Variants in CHIC2 observed in about 807,000 individuals in gnomAD.
CHIC2 encodes the protein cysteine-rich hydrophobic domain-containing protein 2.
In CHIC2, 14 loss-of-function variants were observed where a neutral mutation model predicts 25.9. That is an observed-to-expected ratio of 0.54 (90% CI 0.36 to 0.85). CHIC2 has a LOEUF of 0.85. Among genes scored for constraint, CHIC2 ranks in the 40% least tolerant of loss-of-function variants. The pLI is 0.01. For missense variants in CHIC2, 146 were observed against 202.0 expected (o/e 0.72, Z 1.68); for synonymous variants, 70 against 72.0 (o/e 0.97, Z 0.14).
At chr4:54,083,268 G>T in the CHIC2 span, among the ~76,000 whole-genome samples, 1 of 151,870 alleles carries the variant, frequency 6.6e-6, no homozygotes, top group Non-Finnish European at 1.5e-5. Context: ...ACCCACCTCA[G>T]CCTCCCAAAG....
intron 3 of CHIC2, among the ~76,000 whole-genome samples, chr4:54,022,835 T>C (rs1307225651): frequency 6.6e-6 from 1 of 152,178 alleles, no homozygotes; most frequent in Non-Finnish European, 1.5e-5. Context: ...AAGCCTGTTA[T>C]CACTTGCCTG....
chr4:54,015,158 C>T (rs1487821522), intron 3 of CHIC2, among the ~76,000 whole-genome samples: 10 of 151,970 alleles, frequency 6.6e-5, no homozygotes, highest in Non-Finnish European at 2.9e-5. Context: ...ATTAAACATG[C>T]TAAAGACACA....
At chr4:54,035,707 T>C (rs1716363504) in intron 3 of CHIC2, among the ~76,000 whole-genome samples, 1 of 152,188 alleles carries the variant, frequency 6.6e-6, no homozygotes, top group Non-Finnish European at 1.5e-5. Context: ...TTATATTTCA[T>C]AGGTTTCAGT....
chr4:54,018,875 T>C (rs2110062405), intron 3 of CHIC2, among the ~76,000 whole-genome samples: 1 of 152,140 alleles, frequency 6.6e-6, no homozygotes, highest in East Asian at 1.9e-4. Flanking sequence ...AAATGTTCAA[T>C]TCCCTACTTA....
At chr4:54,051,199 C>T (rs1356746328) in intron 1 of CHIC2, among the ~76,000 whole-genome samples, 1 of 152,002 alleles carries the variant, frequency 6.6e-6, no homozygotes, top group Non-Finnish European at 1.5e-5. Context: ...CCTATGACTC[C>T]ATTTCCTTCC....
chr4:54,070,486 A>G, the CHIC2 span, among the ~76,000 whole-genome samples: 1 of 152,120 alleles, frequency 6.6e-6, no homozygotes, highest in African/African-American at 2.4e-5. Flanking sequence ...GCAATGGCAC[A>G]ATCTCGGCTC....
rs1286129818 is a variant in CHIC2, at chr4:54,031,042, G to T, written c.331-16923C>A. ...TTACAGGTGCATGCCACCACTCCTG[G>T]ATTCTTTTTAAAGCATGGAAATAGA... On this transcript the variant is annotated intron_variant, in intron 3 of 5. Transcript: ENST00000263921. 6.6e-5 allele frequency among the ~76,000 whole-genome samples: 10 copies of T among 151,814 alleles called. No individual in the cohort carries two copies. The East Asian group carries it at 1.7e-3, about 26-fold the overall frequency.
chr4:54,048,730 C>A, intron 3 of CHIC2: 1 of 356,200 alleles, frequency 2.8e-6, no homozygotes. Context: ...ATGCCATACA[C>A]TACTCCTTGC....
At chr4:54,058,274 C>T (rs1717232479) in intron 1 of CHIC2, among the ~76,000 whole-genome samples, 1 of 152,082 alleles carries the variant, frequency 6.6e-6, no homozygotes, top group Non-Finnish European at 1.5e-5. Flanking sequence ...AATTCTGACT[C>T]TCACACGTAA....
chr4:54,024,180 T>A (rs2110066158), intron 3 of CHIC2, among the ~76,000 whole-genome samples: 1 of 152,226 alleles, frequency 6.6e-6, no homozygotes, highest in South Asian at 2.1e-4. Context: ...AAGGAAAATA[T>A]CTCCTTCCAG....
intron 5 of CHIC2, 65 bp downstream of exon 5, chr4:54,013,772 T>A (rs1043481163): frequency 6.6e-7 from 1 of 1,508,702 alleles, no homozygotes; most frequent in African/African-American, 1.4e-5. Context: ...ATGGAAAGAA[T>A]AAGATCAGAA....
At chr4:54,089,793 A>G in the CHIC2 span, among the ~76,000 whole-genome samples, 1 of 152,218 alleles carries the variant, frequency 6.6e-6, no homozygotes, top group South Asian at 2.1e-4. Context: ...GTAAAGGATG[A>G]AGATGGAGTA....
chr4:54,077,104 A>G, the CHIC2 span, among the ~76,000 whole-genome samples: 1 of 152,240 alleles, frequency 6.6e-6, no homozygotes, highest in Non-Finnish European at 1.5e-5. Flanking sequence ...GATACAATAT[A>G]TGACAAGTAC....
At chr4:54,033,927 T>C (rs1716306430) in intron 3 of CHIC2, among the ~76,000 whole-genome samples, 1 of 152,104 alleles carries the variant, frequency 6.6e-6, no homozygotes, top group African/African-American at 2.4e-5. Flanking sequence ...TGTCTTGAAA[T>C]TGGGTAGCGT....
intron 1 of CHIC2, among the ~76,000 whole-genome samples, chr4:54,051,891 A>G (rs886767620): frequency 6.6e-6 from 1 of 152,118 alleles, no homozygotes; most frequent in Non-Finnish European, 1.5e-5. Context: ...TACATTAACT[A>G]TCTTTACGTT....
chr4:54,028,146 T>C lies in CHIC2; in HGVS notation c.331-14027A>G, dbSNP rs146815278. Among the ~76,000 whole-genome samples the C allele has an allele frequency of 9.2e-3, 1,406 of 152,284 alleles. 18 individuals carry two copies. Among genetic ancestry groups the C allele is most frequent in the African/African-American group, 0.032 (1,314 of 41,560 alleles). ...ACAACTAAAGTACTGCAAAAGTTAA[T>C]ATAATAATGCTTGGATATTGTTACC... On this transcript the variant is annotated intron_variant, in intron 3 of 5. Coordinates refer to ENST00000263921, the MANE Select transcript of CHIC2 (RefSeq NM_012110.4).
At chr4:54,069,086 G>A (rs1717570037), upstream of CHIC2, among the ~76,000 whole-genome samples, 4 of 152,122 alleles carry the variant, frequency 2.6e-5, no homozygotes, top group Admixed American at 2.6e-4. Flanking sequence ...TGAGACAGAG[G>A]TACAATCACC....
intron 3 of CHIC2, among the ~76,000 whole-genome samples, chr4:54,032,269 CT>C (rs1484612221): frequency 1.5e-5 from 2 of 133,074 alleles, no homozygotes; most frequent in African/African-American, 5.7e-5. Context: ...CTCCCTCCCC[CT>C]CCCCCTCCCC....
chr4:54,068,095 G>A (rs1384173431), upstream of CHIC2, among the ~76,000 whole-genome samples: 1 of 151,954 alleles, frequency 6.6e-6, no homozygotes, highest in Non-Finnish European at 1.5e-5. Context: ...TGTGCCATGG[G>A]GACACAGCAA....
Sources: allele counts gnomAD v4.1 joint callset (sites outside exome capture counted in the v4.1 genomes callset), GRCh38; gene constraint gnomAD v4.1.1; transcripts MANE v1.5; gene names NCBI Gene and HGNC (gene_info 2026-07-23, HGNC 2026-07-21).